MARS1: variants seen among roughly 807,000 people sequenced by gnomAD.
MARS1 encodes methionine--tRNA ligase, cytoplasmic.
In MARS1, 80 loss-of-function variants were observed where a neutral mutation model predicts 119.5. The observed-to-expected ratio is 0.67, with a 90% CI of 0.56 to 0.81. The LOEUF is 0.81. Among genes scored for constraint, MARS1 ranks in the 30% least tolerant of loss-of-function variants. The pLI is 0.00. For missense variants in MARS1, 945 were observed against 1,116.5 expected, an observed-to-expected ratio of 0.85 and a Z score of 2.19; for synonymous variants, 418 against 433.4, an observed-to-expected ratio of 0.96 and a Z score of 0.44.
chr12:57,490,780 C>CTTTTTTTTTTTTTTT (rs35674919), intron 7 of MARS1, 136 bp downstream of exon 7: 1 of 238,806 alleles, frequency 4.2e-6, no homozygotes, highest in Non-Finnish European at 7.3e-6. Context: ...TCTTACATCT[C>CTTTTTTTTTTTTTTT]TTTTTTTTTT....
At position 57,511,539 on chromosome 12, in the gene MARS1, C is replaced by T. The variant is rs200640639; in HGVS notation, c.1369-159C>T. The T allele has an allele frequency of 3.7e-5, 25 of 672,402 alleles. No individual in the cohort carries two copies. The East Asian group carries it at 5.7e-4, about 15-fold the overall frequency. The allele number at this position is 672,402 out of a possible 1,614,324, so 41.7% of individuals were successfully genotyped here. ...CTGCAGTGAGCTGTGATTATGATTG[C>T]ACCACTGCACTCTAGTCTGGGCAAC... On this transcript the variant is annotated intron_variant, in intron 11 of 20. Coordinates refer to ENST00000262027, the MANE Select transcript of MARS1 (RefSeq NM_004990.4).
rs1043886235 is a variant in MARS1, at chr12:57,491,672, C to T, written c.770+1028C>T. Among the ~76,000 whole-genome samples, 4 of 152,156 alleles carry T rather than the reference C, an allele frequency of 2.6e-5. No homozygotes were observed. The East Asian group carries it at 7.7e-4, about 29-fold the overall frequency. ...TTATCACTCCTTTTTAGAATTCTATCGATGGTTCCTTTGTGTAATTCACAA... is the reference window on the plus strand; with the variant it reads ...TTATCACTCCTTTTTAGAATTCTATTGATGGTTCCTTTGTGTAATTCACAA... On this transcript the variant is annotated intron_variant, in intron 7 of 20. Coordinates refer to ENST00000262027, the MANE Select transcript of MARS1 (RefSeq NM_004990.4).
chr12:57,515,944 G>T lies in MARS1; in HGVS notation c.2416G>T (p.Glu806Ter). Residue 806 changes from glutamate to a stop codon, truncating the protein, a stop_gained, in exon 19 of 21, where the codon GAA becomes TAA. Coordinates refer to ENST00000262027, the MANE Select transcript of MARS1 (RefSeq NM_004990.4). LOFTEE classifies it high-confidence loss of function. ...GTVSPLFQKL[E>*]NDQIESLRQR... Reference sequence around the variant, plus strand: ...GGTCAGTCCCTTGTTCCAAAAATTGGAAAATGACCAGATTGAAAGTTTAAG... The same window carrying T: ...GGTCAGTCCCTTGTTCCAAAAATTGTAAAATGACCAGATTGAAAGTTTAAG... The T allele has an allele frequency of 1.9e-6, 3 of 1,614,062 alleles. No individual in the cohort carries two copies. The highest frequency in any genetic ancestry group is 2.5e-6 in the Non-Finnish European group (3 of 1,179,980).
chr12:57,492,937 C>G (rs1279072279), intron 7 of MARS1, among the ~76,000 whole-genome samples: 1 of 152,008 alleles, frequency 6.6e-6, no homozygotes, highest in Non-Finnish European at 1.5e-5. Flanking sequence ...GGGCTGGCAT[C>G]ATACCATTGT....
Position 57,489,924 on chromosome 12 carries a change from T to C in MARS1, c.443T>C (p.Leu148Ser). ...GETESLADIVLWGALYPLLQD... is the reference protein window; with the variant it reads ...GETESLADIVSWGALYPLLQD... Reference sequence around the variant, plus strand: ...ACAGAATCTCTAGCCGACATTGTTTTGTGGGGAGCCCTATACCCATTACTG... The same window carrying C: ...ACAGAATCTCTAGCCGACATTGTTTCGTGGGGAGCCCTATACCCATTACTG... Residue 148 changes from leucine to serine, a missense_variant, in exon 5 of 21, where the codon TTG (leucine) becomes TCG (serine). Physicochemically the swap from Leu to Ser is moderately radical, Grantham distance 145. Transcript: ENST00000262027. 2 of 1,614,200 alleles carry C rather than the reference T, an allele frequency of 1.2e-6. No homozygotes were observed. Among genetic ancestry groups the C allele is most frequent in the Non-Finnish European group, 1.7e-6 (2 of 1,180,026 alleles).
At chr12:57,513,011 C>A in intron 15 of MARS1, 47 bp downstream of exon 15, 1 of 1,480,638 alleles carries the variant, frequency 6.8e-7, no homozygotes, top group Non-Finnish European at 9.4e-7. Context: ...TGGGGTGGGG[C>A]TCATTTTCCC....
chr12:57,493,351 ATATT>A (rs1876107492), intron 7 of MARS1, among the ~76,000 whole-genome samples: 1 of 75,522 alleles, frequency 1.3e-5, no homozygotes, highest in South Asian at 3.2e-4. Flanking sequence ...TATATAATAT[ATATT>A]ATATGATATG....
chr12:57,509,888 A>G (rs1877423303), intron 11 of MARS1, among the ~76,000 whole-genome samples: 1 of 152,232 alleles, frequency 6.6e-6, no homozygotes, highest in Admixed American at 6.5e-5. Context: ...CAATATACCT[A>G]AAACAATTTC....
intron 18 of MARS1, 55 bp from the exon 19 acceptor site, chr12:57,515,865 C>A: frequency 2.2e-6 from 3 of 1,381,140 alleles, no homozygotes; most frequent in South Asian, 1.2e-5. Flanking sequence ...TCTGTATAGT[C>A]TATGGTAGAG....
At chr12:57,508,625 C>T (rs1877354040) in intron 11 of MARS1, among the ~76,000 whole-genome samples, 2 of 152,032 alleles carry the variant, frequency 1.3e-5, no homozygotes, top group Non-Finnish European at 2.9e-5. Flanking sequence ...AGTCCAGCTT[C>T]GGCTCGGCAT....
intron 11 of MARS1, among the ~76,000 whole-genome samples, chr12:57,509,311 A>G (rs899625852): frequency 1.3e-5 from 2 of 152,232 alleles, no homozygotes; most frequent in African/African-American, 4.8e-5. Flanking sequence ...AGGGAACAGT[A>G]TTAGATACCA....
intron 4 of MARS1, 137 bp from the exon 5 acceptor site, chr12:57,489,759 G>A (rs1875783803): frequency 9.3e-7 from 1 of 1,072,144 alleles, no homozygotes; most frequent in East Asian, 2.4e-5. Context: ...GAGTTATTGT[G>A]AGGATTAAGT....
chr12:57,500,043 T>C (rs113274678), intron 9 of MARS1: 1 of 417,266 alleles, frequency 2.4e-6, no homozygotes, highest in African/African-American at 2.0e-5. Flanking sequence ...TTGGAGATTT[T>C]TGTTAATGAA....
intron 18 of MARS1, 146 bp downstream of exon 18, chr12:57,515,482 A>T: frequency 4.0e-6 from 3 of 751,100 alleles, no homozygotes; most frequent in Non-Finnish European, 6.3e-6. Context: ...GTAGTCGTTC[A>T]CAAGTCCGGA....
At chr12:57,501,282 G>C (rs1440946742) in intron 10 of MARS1, among the ~76,000 whole-genome samples, 1 of 152,272 alleles carries the variant, frequency 6.6e-6, no homozygotes, top group Non-Finnish European at 1.5e-5. Context: ...AGAGATGGCA[G>C]GGGCCAGATC....
intron 15 of MARS1, 130 bp from the exon 16 acceptor site, chr12:57,514,590 G>A: frequency 9.0e-7 from 1 of 1,107,358 alleles, no homozygotes; most frequent in Non-Finnish European, 1.4e-6. Context: ...GAGGGAGCCA[G>A]GAGTTACCTG....
At chr12:57,493,941 T>A (rs1452655747) in intron 7 of MARS1, among the ~76,000 whole-genome samples, 1 of 97,414 alleles carries the variant, frequency 1.0e-5, no homozygotes, top group African/African-American at 4.0e-5. Flanking sequence ...TTATATATTA[T>A]ATATATATTT....
intron 7 of MARS1, among the ~76,000 whole-genome samples, chr12:57,494,975 C>T (rs1310389217): frequency 1.3e-5 from 2 of 152,222 alleles, no homozygotes; most frequent in Non-Finnish European, 2.9e-5. Context: ...TTCTATTCTA[C>T]AAATCCACCA....
intron 7 of MARS1, among the ~76,000 whole-genome samples, chr12:57,492,445 A>C (rs1489502051): frequency 2.0e-5 from 3 of 151,672 alleles, no homozygotes; most frequent in African/African-American, 7.3e-5. Flanking sequence ...CCAAGGCGGC[A>C]GATCACCTGA....
Sources: gnomAD v4.1 joint callset for allele counts (sites outside exome capture counted in the v4.1 genomes callset) on GRCh38, gnomAD v4.1.1 for gene constraint, MANE v1.5 for transcripts, NCBI Gene and HGNC (gene_info 2026-07-23, HGNC 2026-07-21) for gene names.